VSIR: variants seen among roughly 807,000 people sequenced by gnomAD.
The protein encoded by VSIR is V-set immunoregulatory receptor.
Under a neutral mutation model 31.0 loss-of-function variants are expected in VSIR, and 10 were observed. The ratio of observed to expected loss-of-function variants is 0.32; its 90% confidence interval spans 0.20 to 0.55. VSIR has a LOEUF of 0.55. VSIR is among the 20% of genes least tolerant of loss of function. The probability of loss-of-function intolerance (pLI) is 0.93; values close to 1 mark genes in which losing one functional copy is unlikely to be tolerated. For synonymous variants in VSIR, 179 were observed against 180.1 expected, an observed-to-expected ratio of 0.99 and a Z score of 0.05; for missense variants, 356 against 416.2, an observed-to-expected ratio of 0.86 and a Z score of 1.26.
chr10:71,764,412 A>G (rs1429512834), intron 1 of VSIR, among the ~76,000 whole-genome samples: 1 of 152,218 alleles, frequency 6.6e-6, no homozygotes, highest in Non-Finnish European at 1.5e-5. Context: ...GATGAAAAAA[A>G]AGGCCAGAAA....
rs1304246879 is a variant in VSIR, at chr10:71,750,948, G to A, written c.*305C>T. 5.8e-6 allele frequency: 2 copies of A among 343,458 alleles called. No individual in the cohort carries two copies. Among genetic ancestry groups the A allele is most frequent in the Non-Finnish European group, 1.1e-5 (2 of 188,080 alleles). 21.3% of individuals were successfully genotyped at this position (343,458 alleles called of 1,614,324 possible). A position where few individuals can be genotyped will look rare whatever the true frequency, so the allele number is the denominator to read the frequency against. On this transcript the variant is annotated 3_prime_UTR_variant, in exon 7 of 7. Transcript: ENST00000394957. ...TGTCTCAGAACGAGAGCTGCTGAAG[G>A]GCTGGACGTTCTGAGACTTCTTAAG...
chr10:71,755,895 C>T (rs1197263960), intron 3 of VSIR, among the ~76,000 whole-genome samples: 1 of 152,148 alleles, frequency 6.6e-6, no homozygotes, highest in African/African-American at 2.4e-5. Flanking sequence ...ACAGTGGTGA[C>T]GGTTGCACAT....
Position 71,755,478 on chromosome 10 carries a change from G to T in VSIR, c.569-12C>A, listed in dbSNP as rs768177228. The T allele has an allele frequency of 1.9e-5, 30 of 1,604,602 alleles. No homozygotes were observed. The highest frequency in any genetic ancestry group is 3.4e-5 in the Admixed American group (2 of 58,808). The stretch of plus-strand genomic sequence containing the variant: ...TGCAGCCGTGATGTCTGAAAGGGCA[G>T]AGAGGTAGCCAAGGTGAAGCCCCAT... On this transcript the variant is annotated splice_polypyrimidine_tract_variant and intron_variant, in intron 3 of 6. Coordinates refer to ENST00000394957, the MANE Select transcript of VSIR (RefSeq NM_022153.2).
intron 4 of VSIR, among the ~76,000 whole-genome samples, chr10:71,753,301 T>G (rs529236842): frequency 1.3e-5 from 2 of 152,378 alleles, no homozygotes; most frequent in South Asian, 4.1e-4. Flanking sequence ...CAGCCAGCGC[T>G]TTCTCCTATG....
chr10:71,760,594 G>A, intron 3 of VSIR: 1 of 409,688 alleles, frequency 2.4e-6, no homozygotes, highest in East Asian at 4.2e-5. Flanking sequence ...TACCTGTCAT[G>A]AGGCACTTGC....
intron 3 of VSIR, among the ~76,000 whole-genome samples, chr10:71,757,808 G>A (rs1003290950): frequency 6.6e-6 from 1 of 152,190 alleles, no homozygotes; most frequent in Non-Finnish European, 1.5e-5. Context: ...AGGAAGCTGG[G>A]TGAAAGCAGA....
In VSIR at chr10:71,760,903, C is replaced by T. The variant is rs754553759; in HGVS notation, c.533G>A (p.Cys178Tyr). 6.2e-7 allele frequency: 1 copy of T among 1,613,832 alleles called. No individual in the cohort carries two copies. Among genetic ancestry groups the T allele is most frequent in the Non-Finnish European group, 8.5e-7 (1 of 1,179,748 alleles). The change falls in exon 3 of 7, where the codon TGT becomes TAT. Residue 178 changes from cysteine to tyrosine, a missense_variant. By Grantham distance (194) the Cys-to-Tyr change is radical. Transcript: ENST00000394957. The part of the protein sequence containing the change: ...VQTGKDAPSN[C>Y]VVYPSSSQDS... Reference sequence around the variant, plus strand: ...CTGGGAGGAGGATGGGTACACCACACAGTTGGATGGTGCATCTTTGCCTGT... The same window carrying T: ...CTGGGAGGAGGATGGGTACACCACATAGTTGGATGGTGCATCTTTGCCTGT...
In VSIR at chr10:71,750,821, G is replaced by A. The variant is rs925627845; in HGVS notation, c.*432C>T. The A allele has an allele frequency of 4.3e-4, 69 of 159,674 alleles. No individual in the cohort carries two copies. The highest frequency in any genetic ancestry group is 9.6e-5 in the Non-Finnish European group (7 of 73,088). The allele number at this position is 159,674 out of a possible 1,614,324, so 9.9% of individuals were successfully genotyped here. On this transcript the variant is annotated 3_prime_UTR_variant, in exon 7 of 7. Coordinates refer to ENST00000394957, the MANE Select transcript of VSIR (RefSeq NM_022153.2). ...CGGGCAAAACGGGGGAGCCAAGGCG[G>A]CCACGGGGGAGAAGTCTCTCCACCG...
At chr10:71,761,450 A>T in intron 2 of VSIR, 148 bp downstream of exon 2, 1 of 963,280 alleles carries the variant, frequency 1.0e-6, no homozygotes, top group South Asian at 1.7e-5. Context: ...CACACCCTTG[A>T]CCACCCCATC....
At chr10:71,763,061 AG>A (rs2132893148) in intron 1 of VSIR, among the ~76,000 whole-genome samples, 1 of 152,366 alleles carries the variant, frequency 6.6e-6, no homozygotes, top group South Asian at 2.1e-4. Flanking sequence ...GCTACAATGC[AG>A]GGTTGCAAAA....
rs543422221 is a variant in VSIR at position 71,770,849 on chromosome 10, C to T, written c.82+2509G>A. On this transcript the variant is annotated intron_variant, in intron 1 of 6. Coordinates refer to ENST00000394957, the MANE Select transcript of VSIR (RefSeq NM_022153.2). Reference sequence around the variant, plus strand: ...ACTAGTACAGCTCAGCAAGGGACTCCCAGTATTGCTGGCCCTTGGGTGTCC... The same window carrying T: ...ACTAGTACAGCTCAGCAAGGGACTCTCAGTATTGCTGGCCCTTGGGTGTCC... Among the ~76,000 whole-genome samples the T allele has an allele frequency of 4.6e-5, 7 of 152,256 alleles. No individual in the cohort carries two copies. The East Asian group carries it at 1.4e-3, about 30-fold the overall frequency.
intron 1 of VSIR, among the ~76,000 whole-genome samples, chr10:71,767,937 T>C (rs1004717563): frequency 4.9e-4 from 74 of 152,256 alleles, no homozygotes; most frequent in Middle Eastern, 3.4e-3. Context: ...CCTAGGCAGC[T>C]GGCCAGAGGT....
chr10:71,760,199 ATATATATGTGTG>A (rs1168353058), intron 3 of VSIR, among the ~76,000 whole-genome samples: 1 of 60,824 alleles, frequency 1.6e-5, no homozygotes, highest in African/African-American at 9.3e-5. Context: ...ATGTATATAC[ATATATATGTGTG>A]TATATATGTG....
rs1224816403 is a variant in VSIR at position 71,759,922 on chromosome 10, C to CATATAT, written c.568+945_568+946insATATAT. On this transcript the variant is annotated intron_variant, in intron 3 of 6. Transcript: ENST00000394957. ...ACATATATACACACACACATATATA[C>CATATAT]ACACACACATATATACACACACACA... Among the ~76,000 whole-genome samples, 2 of 40,252 alleles carry CATATAT rather than the reference C, an allele frequency of 5.0e-5. 1 individual carries two copies. The highest frequency in any genetic ancestry group is 1.3e-4 in the Non-Finnish European group (2 of 15,648). The allele number at this position is 40,252 out of a possible 152,430, so 26.4% of individuals were successfully genotyped here.
At chr10:71,767,116 C>T (rs899573748) in intron 1 of VSIR, among the ~76,000 whole-genome samples, 1 of 152,254 alleles carries the variant, frequency 6.6e-6, no homozygotes, top group Non-Finnish European at 1.5e-5. Context: ...AGCTGTGGCA[C>T]CCTCAGATGT....
Position 71,749,248 on chromosome 10 carries a change from A to G in VSIR, c.*2005T>C, listed in dbSNP as rs1490459330. On this transcript the variant is annotated 3_prime_UTR_variant, in exon 7 of 7. Transcript: ENST00000394957. ...CAGGAACAGCAGGTGTCCTGTCCCCACTCCTGCCATGCAGGCCCCCATGAA... is the reference window on the plus strand; with the variant it reads ...CAGGAACAGCAGGTGTCCTGTCCCCGCTCCTGCCATGCAGGCCCCCATGAA... 1 of 152,012 alleles carries G rather than the reference A, an allele frequency of 6.6e-6. No homozygotes were observed. The highest frequency in any genetic ancestry group is 1.9e-4 in the East Asian group (1 of 5,180). The allele number at this position is 152,012 out of a possible 1,614,324, so 9.4% of individuals were successfully genotyped here.
chr10:71,764,042 T>C (rs893083215), intron 1 of VSIR, among the ~76,000 whole-genome samples: 8 of 152,064 alleles, frequency 5.3e-5, no homozygotes, highest in African/African-American at 1.9e-4. Flanking sequence ...GAGCAGAGAT[T>C]TCAGAACTTC....
intron 4 of VSIR, 117 bp downstream of exon 4, chr10:71,755,242 C>G (rs1282781752): frequency 2.0e-6 from 2 of 978,900 alleles, no homozygotes; most frequent in East Asian, 2.7e-5. Context: ...GCTCCCAACT[C>G]TCAAATGAAA....
At chr10:71,761,167 G>A (rs1035054622) in intron 2 of VSIR, among the ~76,000 whole-genome samples, 6 of 152,062 alleles carry the variant, frequency 3.9e-5, no homozygotes, top group East Asian at 3.9e-4. Context: ...ACCTCTATCC[G>A]AACCATGGGC....
Sources: gnomAD v4.1 joint callset for allele counts (sites outside exome capture counted in the v4.1 genomes callset) on GRCh38, gnomAD v4.1.1 for gene constraint, MANE v1.5 for transcripts, NCBI Gene and HGNC (gene_info 2026-07-23, HGNC 2026-07-21) for gene names.